CDK14: variants seen among roughly 807,000 people sequenced by gnomAD.
CDK14 encodes cyclin-dependent kinase 14.
In CDK14, 34 loss-of-function variants were observed where a neutral mutation model predicts 60.7. That is an observed-to-expected ratio of 0.56 (90% CI 0.43 to 0.75). CDK14 has a LOEUF of 0.75. CDK14 is among the 30% of genes least tolerant of loss of function. The pLI, the probability that CDK14 is intolerant of heterozygous loss-of-function variation, is 0.00. For missense variants in CDK14, 482 were observed against 564.1 expected, an observed-to-expected ratio of 0.85 and a Z score of 1.47; for synonymous variants, 197 against 203.7, an observed-to-expected ratio of 0.97 and a Z score of 0.28.
At chr7:90,817,331 C>T (rs549055154) in intron 5 of CDK14, among the ~76,000 whole-genome samples, 1 of 152,158 alleles carries the variant, frequency 6.6e-6, no homozygotes, top group South Asian at 2.1e-4. Flanking sequence ...AATTGATAAT[C>T]GTACTTTTAA....
chr7:90,894,390 G>A (rs549706995), intron 6 of CDK14, among the ~76,000 whole-genome samples: 1 of 152,288 alleles, frequency 6.6e-6, no homozygotes, highest in East Asian at 1.9e-4. Flanking sequence ...AGCCATGTGT[G>A]TATAGATGAT....
chr7:91,200,915 T>C (rs569361604), intron 14 of CDK14, among the ~76,000 whole-genome samples: 40 of 152,348 alleles, frequency 2.6e-4, no homozygotes, highest in African/African-American at 9.1e-4. Context: ...AAGTCCAGTA[T>C]AGAACACCAC....
Position 90,872,140 on chromosome 7 carries a change from C to A in CDK14, c.639+8871C>A, listed in dbSNP as rs112010505. Reference sequence around the variant, plus strand: ...TCATGTGAAGAACTGTGATCTTAGACGAGGTAAACCTCCATAAGCCATTTG... The same window carrying A: ...TCATGTGAAGAACTGTGATCTTAGAAGAGGTAAACCTCCATAAGCCATTTG... On this transcript the variant is annotated intron_variant, in intron 6 of 14. Transcript: ENST00000380050. Among the ~76,000 whole-genome samples the A allele has an allele frequency of 1.5e-3, 225 of 152,258 alleles. 3 individuals are homozygous for A. The highest frequency in any genetic ancestry group is 5.2e-3 in the African/African-American group (214 of 41,552).
intron 10 of CDK14, among the ~76,000 whole-genome samples, chr7:91,031,828 G>A (rs143225369): frequency 7.4e-4 from 112 of 152,248 alleles, no homozygotes; most frequent in African/African-American, 2.6e-3. Context: ...TGGGAATGTC[G>A]CTCCTTGACT....
intron 4 of CDK14, among the ~76,000 whole-genome samples, chr7:90,749,955 G>A (rs1803754757): frequency 6.6e-6 from 1 of 152,152 alleles, no homozygotes; most frequent in Non-Finnish European, 1.5e-5. Flanking sequence ...TAAGGATCAA[G>A]TATATATCCA....
At chr7:91,005,102 G>T (rs867436928) in intron 10 of CDK14, among the ~76,000 whole-genome samples, 1 of 152,212 alleles carries the variant, frequency 6.6e-6, no homozygotes, top group Non-Finnish European at 1.5e-5. Flanking sequence ...GGCTGGTGGC[G>T]TGAGATTCCA....
intron 14 of CDK14, among the ~76,000 whole-genome samples, chr7:91,158,084 A>G (rs1801039721): frequency 6.8e-6 from 1 of 147,624 alleles, no homozygotes. Context: ...CATTAATTAT[A>G]TACATTAAAT....
chr7:90,897,827 T>C (rs1048770978), intron 6 of CDK14, among the ~76,000 whole-genome samples: 7 of 152,148 alleles, frequency 4.6e-5, no homozygotes, highest in African/African-American at 1.4e-4. Flanking sequence ...TATTCCCATC[T>C]GTACTTAGTT....
intron 14 of CDK14, among the ~76,000 whole-genome samples, chr7:91,186,699 C>G (rs905606762): frequency 6.6e-6 from 1 of 152,166 alleles, no homozygotes; most frequent in Non-Finnish European, 1.5e-5. Flanking sequence ...CTTTCTCTTT[C>G]AGCGATCACA....
chr7:90,606,836 C>G (rs1026431769), intron 2 of CDK14, among the ~76,000 whole-genome samples: 4 of 152,220 alleles, frequency 2.6e-5, no homozygotes, highest in African/African-American at 9.6e-5. Context: ...GGATTCTCAT[C>G]TGCCACTTTC....
At chr7:90,819,491 T>C (rs1286005483) in intron 5 of CDK14, among the ~76,000 whole-genome samples, 1 of 152,090 alleles carries the variant, frequency 6.6e-6, no homozygotes, top group Non-Finnish European at 1.5e-5. Flanking sequence ...TGGAGTTTTT[T>C]TTTTTTTAAA....
chr7:91,015,527 T>G (rs904106033), intron 10 of CDK14, among the ~76,000 whole-genome samples: 1 of 130,982 alleles, frequency 7.6e-6, no homozygotes, highest in Admixed American at 8.8e-5. Context: ...TTGGGTTTTT[T>G]TTTTTTTTTT....
intron 2 of CDK14, among the ~76,000 whole-genome samples, chr7:90,645,467 G>T (rs1037573615): frequency 6.6e-6 from 1 of 151,714 alleles, no homozygotes; most frequent in Non-Finnish European, 1.5e-5. Context: ...CTACACATTT[G>T]CCAGGCTTGA....
intron 1 of CDK14, among the ~76,000 whole-genome samples, chr7:90,602,508 A>G (rs1042938441): frequency 6.6e-6 from 1 of 152,244 alleles, no homozygotes; most frequent in Non-Finnish European, 1.5e-5. Flanking sequence ...GAGGGAGTAG[A>G]CAGTATGGTA....
intron 2 of CDK14, among the ~76,000 whole-genome samples, chr7:90,713,084 G>A (rs1239086003): frequency 6.6e-6 from 1 of 152,084 alleles, no homozygotes; most frequent in African/African-American, 2.4e-5. Flanking sequence ...AGTAGAGGGT[G>A]TAAATTTGAT....
At chr7:90,782,568 A>C (rs62469758) in intron 4 of CDK14, among the ~76,000 whole-genome samples, 11 of 152,134 alleles carry the variant, frequency 7.2e-5, no homozygotes, top group Non-Finnish European at 1.6e-4. Flanking sequence ...TTTTGTACTT[A>C]GATGTTCTGT....
At chr7:90,692,538 CA>C in intron 2 of CDK14, 3 of 188,300 alleles carry the variant, frequency 1.6e-5, no homozygotes, top group Non-Finnish European at 3.0e-5. Context: ...CCTTAAGAGC[CA>C]AAAACCATTT....
At chr7:91,057,721 T>C (rs1034379187) in intron 11 of CDK14, among the ~76,000 whole-genome samples, 1 of 152,248 alleles carries the variant, frequency 6.6e-6, no homozygotes, top group Non-Finnish European at 1.5e-5. Flanking sequence ...GTTGTAGATA[T>C]GCGACATTAT....
intron 11 of CDK14, among the ~76,000 whole-genome samples, chr7:91,064,496 A>T (rs149262152): frequency 6.6e-6 from 1 of 152,350 alleles, no homozygotes; most frequent in East Asian, 1.9e-4. Context: ...GATTACAGTG[A>T]GTTCATATTT....
Sources: allele counts gnomAD v4.1 joint callset (sites outside exome capture counted in the v4.1 genomes callset), GRCh38; gene constraint gnomAD v4.1.1; transcripts MANE v1.5; gene names NCBI Gene and HGNC (gene_info 2026-07-23, HGNC 2026-07-21).